CDH26: variants seen among roughly 807,000 people sequenced by gnomAD.
CDH26 encodes the protein cadherin-like protein 26.
CDH26 carries 83 observed loss-of-function variants against 90.3 expected under a neutral mutation model. That is an observed-to-expected ratio of 0.92 (90% confidence interval 0.77 to 1.10). The LOEUF is 1.10. Among genes scored for constraint, CDH26 ranks in the 50% least tolerant of loss-of-function variants. CDH26 has a pLI of 0.00. For missense variants in CDH26, 1,013 were observed against 1,037.6 expected (o/e 0.98, Z 0.33); for synonymous variants, 397 against 396.3 (o/e 1.00, Z -0.02).
At chr20:59,987,406 T>G in intron 7 of CDH26, 47 bp from the exon 8 acceptor site, 1 of 1,492,032 alleles carries the variant, frequency 6.7e-7, no homozygotes, top group Non-Finnish European at 9.1e-7. Context: ...TCCTTTTCAA[T>G]TGTGTTTTTG....
At chr20:60,035,727 A>G (rs977534999), downstream of CDH26, among the ~76,000 whole-genome samples, 8 of 152,016 alleles carry the variant, frequency 5.3e-5, no homozygotes, top group African/African-American at 7.3e-5. Flanking sequence ...CGGTTCCCCC[A>G]TGCTGTTCTT....
At chr20:59,970,213 C>A (rs929701036) in intron 3 of CDH26, 27 bp downstream of exon 3, 2 of 1,607,114 alleles carry the variant, frequency 1.2e-6, no homozygotes, top group Non-Finnish European at 1.7e-6. Context: ...TAAGGAATGA[C>A]CCCATCATGC....
intron 7 of CDH26, among the ~76,000 whole-genome samples, chr20:60,021,881 C>CATACAT (rs1239688332): frequency 1.1e-5 from 1 of 86,968 alleles, no homozygotes; most frequent in African/African-American, 3.9e-5. Context: ...CACACACACA[C>CATACAT]ACACACACAC....
At chr20:60,021,311 T>C (rs1371081453) in intron 7 of CDH26, among the ~76,000 whole-genome samples, 2 of 152,240 alleles carry the variant, frequency 1.3e-5, no homozygotes, top group Non-Finnish European at 2.9e-5. Context: ...TAAAGCTTTG[T>C]TGGCACACAA....
intron 1 of CDH26, among the ~76,000 whole-genome samples, chr20:59,960,073 C>T (rs1310456005): frequency 6.6e-6 from 1 of 152,186 alleles, no homozygotes; most frequent in Non-Finnish European, 1.5e-5. Context: ...GACCTAGGCT[C>T]CTTCACAGCC....
chr20:59,997,502 T>A (rs951643278), intron 13 of CDH26, among the ~76,000 whole-genome samples: 3 of 152,268 alleles, frequency 2.0e-5, no homozygotes, highest in Non-Finnish European at 4.4e-5. Flanking sequence ...TATAAAGTAA[T>A]TGGCCAATGG....
intron 17 of CDH26, among the ~76,000 whole-genome samples, chr20:60,008,600 T>C (rs2061785469): frequency 6.6e-6 from 1 of 152,168 alleles, no homozygotes; most frequent in Admixed American, 6.5e-5. Context: ...TCTCCTGCTG[T>C]GGTTGTCAGA....
intron 11 of CDH26, among the ~76,000 whole-genome samples, chr20:59,995,040 T>C (rs194996): frequency 0.19 from 28,961 of 152,200 alleles, 7,000 homozygotes; most frequent in African/African-American, 0.57. Context: ...CAACACTCTC[T>C]TCTGTGCCTC....
chr20:59,996,910 ACTAT>A, intron 13 of CDH26, 149 bp downstream of exon 13: 1 of 958,626 alleles, frequency 1.0e-6, no homozygotes, highest in Non-Finnish European at 1.6e-6. Flanking sequence ...TCTTGCAAAT[ACTAT>A]CTAACTCAGA....
chr20:59,967,435 T>C (rs1407440373), intron 1 of CDH26, among the ~76,000 whole-genome samples: 1 of 152,216 alleles, frequency 6.6e-6, no homozygotes, highest in Admixed American at 6.5e-5. Flanking sequence ...AGACTTTCCC[T>C]TTTTATTATA....
intron 17 of CDH26, among the ~76,000 whole-genome samples, chr20:60,010,995 C>T (rs1003745850): frequency 2.6e-5 from 4 of 152,302 alleles, no homozygotes; most frequent in East Asian, 1.9e-4. Flanking sequence ...TCATCAGTCA[C>T]GTAGCCACAT....
intron 1 of CDH26, among the ~76,000 whole-genome samples, chr20:59,967,808 C>CATTT (rs1367818876): frequency 1.5e-5 from 2 of 130,620 alleles, no homozygotes; most frequent in Non-Finnish European, 3.4e-5. Flanking sequence ...CTCCCTCCCT[C>CATTT]CCTCATTTCT....
In CDH26 at chr20:59,996,064, C is replaced by T; in HGVS notation, c.1888+10C>T. The T allele has an allele frequency of 1.2e-6, 2 of 1,610,048 alleles. No homozygotes were observed. Among genetic ancestry groups the T allele is most frequent in the East Asian group, 4.5e-5 (2 of 44,844 alleles). On this transcript the variant is annotated intron_variant, in intron 12 of 17. Coordinates refer to ENST00000348616, the MANE Select transcript of CDH26 (RefSeq NM_177980.4). ...TTTGTGGCTCTGGCAGGTCAGTGGT[C>T]TGTAGGGGTGTCCTGGGACTGTGGC...
intron 13 of CDH26, among the ~76,000 whole-genome samples, chr20:59,998,817 A>G (rs1191344086): frequency 6.6e-6 from 1 of 152,166 alleles, no homozygotes; most frequent in East Asian, 1.9e-4. Context: ...AATTTTCAGC[A>G]CTAAGAGTCA....
intron 1 of CDH26, among the ~76,000 whole-genome samples, chr20:59,967,067 A>T (rs1248221488): frequency 1.3e-5 from 2 of 152,232 alleles, no homozygotes; most frequent in Non-Finnish European, 2.9e-5. Context: ...CATAAAAATT[A>T]CACATTGTTA....
At chr20:59,966,715 GC>G (rs1390480875) in intron 1 of CDH26, among the ~76,000 whole-genome samples, 3 of 152,172 alleles carry the variant, frequency 2.0e-5, no homozygotes, top group Non-Finnish European at 4.4e-5. Flanking sequence ...AAAGAGTTTG[GC>G]CTTGTGGACT....
chr20:59,984,107 C>T (rs1291540461), intron 5 of CDH26, among the ~76,000 whole-genome samples: 6 of 152,176 alleles, frequency 3.9e-5, no homozygotes, highest in Non-Finnish European at 8.8e-5. Context: ...TGTAGGGGTC[C>T]TCATTTGCTG....
chr20:59,980,854 T>C (rs2061387368), intron 4 of CDH26, among the ~76,000 whole-genome samples: 3 of 152,212 alleles, frequency 2.0e-5, no homozygotes, highest in Non-Finnish European at 4.4e-5. Context: ...ATTTTCTCCT[T>C]TTTTTACTAA....
rs113731718 is a variant in CDH26, at chr20:59,999,583, C to T, written c.2020-3C>T. ...GTCATATTTCTTTCTCTGTGTTCTA[C>T]AGACATGGTCAGATGTTGAAGGCCA... On this transcript the variant is annotated splice_region_variant and splice_polypyrimidine_tract_variant and intron_variant, in intron 13 of 17. Transcript: ENST00000348616. 9 of 1,613,194 alleles carry T rather than the reference C, an allele frequency of 5.6e-6. No homozygotes were observed. The highest frequency in any genetic ancestry group is 4.0e-5 in the African/African-American group (3 of 75,038).
Sources: allele counts gnomAD v4.1 joint callset (sites outside exome capture counted in the v4.1 genomes callset), GRCh38; gene constraint gnomAD v4.1.1; transcripts MANE v1.5; gene names NCBI Gene and HGNC (gene_info 2026-07-23, HGNC 2026-07-21).